The following LRRC47 variants were observed in gnomAD, a reference collection of about 807,000 sequenced individuals.
LRRC47 encodes leucine rich repeat containing 47, also known as leucine-rich repeat-containing protein 47.
In LRRC47, 31 loss-of-function variants were observed where a neutral mutation model predicts 40.9. The observed-to-expected ratio is 0.76, with a 90% CI of 0.57 to 1.02. The LOEUF (loss-of-function observed/expected upper bound fraction) is 1.02. Ranked by LOEUF, LRRC47 falls within the 50% of genes least tolerant of loss-of-function variation. LRRC47 has a pLI of 0.00. For missense variants in LRRC47, 726 were observed against 796.1 expected, an observed-to-expected ratio of 0.91 and a Z score of 1.06; for synonymous variants, 427 against 371.9, an observed-to-expected ratio of 1.15 and a Z score of -1.70.
intron 6 of LRRC47, 28 bp from the exon 7 acceptor site, chr1:3,781,364 T>C (rs1246569776): frequency 1.2e-6 from 2 of 1,606,218 alleles, no homozygotes; most frequent in Middle Eastern, 1.7e-4. Flanking sequence ...CTTTTTAACC[T>C]GGAGATGAGA....
intron 3 of LRRC47, 46 bp downstream of exon 3, chr1:3,785,041 C>T: frequency 7.0e-7 from 1 of 1,433,242 alleles, no homozygotes; most frequent in East Asian, 2.6e-5. Context: ...CGTCTTTCGA[C>T]ACCAAGGAGA....
At position 3,787,010 on chromosome 1, in the gene LRRC47, G is replaced by A. The variant is rs200783146; in HGVS notation, c.916C>T (p.Arg306Trp). The A allele has an allele frequency of 5.0e-5, 80 of 1,611,594 alleles. No individual in the cohort carries two copies. Among genetic ancestry groups the A allele is most frequent in the East Asian group, 3.6e-4 (16 of 44,760 alleles). Residue 306 changes from arginine (R) to tryptophan (W), a missense_variant, in exon 2 of 7, where the codon CGG becomes TGG. Transcript: ENST00000378251. ...ACGTGCAGGACCCTGAGCAGCAGCC[G>A]GCCGGCATCTCCCACGTCCTGCTCC... ...GEEQDVGDAG[R>W]LLLRVLHVSE...
At chr1:3,788,044 C>T (rs1643594016) in intron 1 of LRRC47, among the ~76,000 whole-genome samples, 2 of 152,222 alleles carry the variant, frequency 1.3e-5, no homozygotes, top group Admixed American at 6.5e-5. Context: ...GTGCAGGTGA[C>T]CTCACTGAAA....
At chr1:3,786,476 G>A (rs147636597) in intron 2 of LRRC47, among the ~76,000 whole-genome samples, 2 of 151,982 alleles carry the variant, frequency 1.3e-5, no homozygotes, top group Non-Finnish European at 2.9e-5. Flanking sequence ...CTCCAGCCTG[G>A]GAGACAAAGC....
At chr1:3,791,682 C>T (rs1643628166) in intron 1 of LRRC47, among the ~76,000 whole-genome samples, 1 of 152,152 alleles carries the variant, frequency 6.6e-6, no homozygotes, top group African/African-American at 2.4e-5. Context: ...TCTTCAACTC[C>T]CAACCTCAGG....
intron 4 of LRRC47, 123 bp downstream of exon 4, chr1:3,783,873 G>A: frequency 1.4e-6 from 1 of 739,592 alleles, no homozygotes. Flanking sequence ...TTTGTACCCT[G>A]TTAAGAAGCT....
Position 3,786,833 on chromosome 1 carries a change from C to T in LRRC47, c.1077+16G>A, listed in dbSNP as rs751175210. ...ACCTCTGTCCCAGTCATCTGAGGAC[C>T]CCCACGGGCACCCACCTGCGAGGTG... On this transcript the variant is annotated intron_variant, in intron 2 of 6. Transcript: ENST00000378251. 1.3e-6 allele frequency: 2 copies of T among 1,566,134 alleles called. No homozygotes were observed. Among genetic ancestry groups the T allele is most frequent in the East Asian group, 2.3e-5 (1 of 42,722 alleles).
intron 5 of LRRC47, among the ~76,000 whole-genome samples, chr1:3,782,044 G>A (rs1643525284): frequency 6.6e-6 from 1 of 152,176 alleles, no homozygotes; most frequent in South Asian, 2.1e-4. Flanking sequence ...GAAGACTGCA[G>A]TGCTGCACAC....
rs778087074 is a variant in LRRC47 at position 3,787,200 on chromosome 1, C to T, written c.726G>A (p.Leu242=). 3 of 1,613,926 alleles carry T rather than the reference C, an allele frequency of 1.9e-6. No individual in the cohort carries two copies. Among genetic ancestry groups the T allele is most frequent in the African/African-American group, 2.7e-5 (2 of 75,064 alleles). Residue 242 remains leucine (L), a synonymous_variant, in exon 2 of 7, where the codon CTG becomes CTA. Coordinates refer to ENST00000378251, the MANE Select transcript of LRRC47 (RefSeq NM_020710.3). ...FRGNKLRDKR[L]EKMVSGCQTR... ...TCTGGCAGCCGCTGACCATCTTCTCCAGGCGCTTGTCCCTCAGCTTGTTCC... is the reference window on the plus strand; with the variant it reads ...TCTGGCAGCCGCTGACCATCTTCTCTAGGCGCTTGTCCCTCAGCTTGTTCC...
At chr1:3,786,747 T>G in intron 2 of LRRC47, 102 bp downstream of exon 2, 1 of 1,136,872 alleles carries the variant, frequency 8.8e-7, no homozygotes. Context: ...GGCCCCATAC[T>G]CCACTGCTGC....
At position 3,779,965 on chromosome 1, in the gene LRRC47, TCCC is replaced by T. The variant is rs1364383331; in HGVS notation, c.*1120_*1122del. ...AATTCTAAGGTCACATTAAAACTTT[TCCC>T]CCCAAGATTATGATCACTGCCAGCT... On this transcript the variant is annotated 3_prime_UTR_variant, in exon 7 of 7. Coordinates refer to ENST00000378251, the MANE Select transcript of LRRC47 (RefSeq NM_020710.3). The T allele has an allele frequency of 3.3e-5, 5 of 152,068 alleles. No homozygotes were observed. In the East Asian group the frequency reaches 9.7e-4, roughly 29 times the overall value. The allele number at this position is 152,068 out of a possible 1,614,324, so 9.4% of individuals were successfully genotyped here.
intron 3 of LRRC47, chr1:3,784,317 A>C (rs1643550089): frequency 1.8e-6 from 1 of 566,038 alleles, no homozygotes; most frequent in Non-Finnish European, 3.2e-6. Context: ...CCTGACGCCC[A>C]AACACACCGA....
intron 4 of LRRC47, 75 bp downstream of exon 4, chr1:3,783,919 GCA>G: frequency 8.1e-7 from 1 of 1,239,578 alleles, no homozygotes; most frequent in Non-Finnish European, 1.1e-6. Flanking sequence ...TTCCTGAGGA[GCA>G]CAGACTAACT....
At chr1:3,792,272 A>G (rs537808929) in intron 1 of LRRC47, among the ~76,000 whole-genome samples, 5 of 152,332 alleles carry the variant, frequency 3.3e-5, no homozygotes, top group African/African-American at 9.6e-5. Flanking sequence ...ACCCTCCAAG[A>G]AACAGGTCTC....
chr1:3,787,345 G>T, intron 1 of LRRC47, 35 bp from the exon 2 acceptor site: 1 of 1,570,896 alleles, frequency 6.4e-7, no homozygotes, highest in Non-Finnish European at 8.6e-7. Flanking sequence ...CAGACGCCCG[G>T]ACTCTGGGAA....
Position 3,796,357 on chromosome 1 carries a change from C to T in LRRC47, c.120G>A (p.Gly40=). Residue 40 remains glycine, a synonymous_variant, in exon 1 of 7, where the codon GGG becomes GGA. Coordinates refer to ENST00000378251, the MANE Select transcript of LRRC47 (RefSeq NM_020710.3). The part of the protein sequence containing the change: ...GLEERVRAAG[G]QLPPRLFTLP... ...GGGTGAAAAGCCGCGGCGGCAGCTG[C>T]CCACCCGCCGCCCGCACTCGCTCCT... 2 of 1,510,724 alleles carry T rather than the reference C, an allele frequency of 1.3e-6. No individual in the cohort carries two copies. The allele number at this position is 1,510,724 out of a possible 1,614,324, so 93.6% of individuals were successfully genotyped here. A position where few individuals can be genotyped will look rare whatever the true frequency, so the allele number is the denominator to read the frequency against.
intron 1 of LRRC47, among the ~76,000 whole-genome samples, chr1:3,794,371 T>G (rs1469102336): frequency 6.6e-6 from 1 of 152,068 alleles, no homozygotes; most frequent in Non-Finnish European, 1.5e-5. Context: ...ACAGTGGGTT[T>G]GTTTTTTTTG....
At position 3,789,699 on chromosome 1, in the gene LRRC47, C is replaced by T. The variant is rs186974335; in HGVS notation, c.616-2389G>A. 2.1e-3 allele frequency among the ~76,000 whole-genome samples: 323 copies of T among 152,224 alleles called. 1 individual carries two copies. The highest frequency in any genetic ancestry group is 7.3e-3 in the African/African-American group (304 of 41,538). ...GGGAGTCAGGGGACAGGAAGGGAAGCGGGGGAAGGAGAGCAAGAGGGAGGG... is the reference window on the plus strand; with the variant it reads ...GGGAGTCAGGGGACAGGAAGGGAAGTGGGGGAAGGAGAGCAAGAGGGAGGG... On this transcript the variant is annotated intron_variant, in intron 1 of 6. Transcript: ENST00000378251.
At position 3,782,652 on chromosome 1, in the gene LRRC47, C is replaced by G. The variant is rs909749852; in HGVS notation, c.1413+9G>C. The G allele has an allele frequency of 1.0e-5, 15 of 1,503,330 alleles. No individual in the cohort carries two copies. Among genetic ancestry groups the G allele is most frequent in the Non-Finnish European group, 1.4e-5 (15 of 1,078,846 alleles). 93.1% of individuals were successfully genotyped at this position (1,503,330 alleles called of 1,614,324 possible). ...AAGACACACCATGTTCACACACATGCCACCCTACCTTTGTCTTCTCACTGT... is the reference window on the plus strand; with the variant it reads ...AAGACACACCATGTTCACACACATGGCACCCTACCTTTGTCTTCTCACTGT... On this transcript the variant is annotated intron_variant, in intron 5 of 6. Transcript: ENST00000378251.
Sources: gnomAD v4.1 joint callset for allele counts (sites outside exome capture counted in the v4.1 genomes callset) on GRCh38, gnomAD v4.1.1 for gene constraint, MANE v1.5 for transcripts, NCBI Gene and HGNC (gene_info 2026-07-23, HGNC 2026-07-21) for gene names.